Variants in AKAP10 observed in about 807,000 individuals in gnomAD.
AKAP10 encodes A-kinase anchoring protein 10, also known as A-kinase anchor protein 10, mitochondrial.
A neutral mutation model predicts 80.8 loss-of-function variants in AKAP10; 24 were observed. That is an observed-to-expected ratio of 0.30 (90% CI 0.22 to 0.42). The LOEUF is 0.42. AKAP10 is among the 10% of genes least tolerant of loss of function. The pLI is 1.00. For synonymous variants in AKAP10, 291 were observed against 277.7 expected (o/e 1.05, Z -0.48); for missense variants, 661 against 794.9 (o/e 0.83, Z 2.03).
intron 10 of AKAP10, 129 bp downstream of exon 10, chr17:19,931,676 C>A (rs1254312692): frequency 1.0e-5 from 11 of 1,090,650 alleles, no homozygotes; most frequent in Non-Finnish European, 1.3e-5. Flanking sequence ...CAGGCACAGG[C>A]CACTGTGCCT....
intron 12 of AKAP10, among the ~76,000 whole-genome samples, chr17:19,919,729 G>A (rs562810563): frequency 2.4e-4 from 37 of 151,686 alleles, no homozygotes; most frequent in African/African-American, 7.5e-4. Flanking sequence ...TAAAATAAAC[G>A]GTCTCAAACA....
chr17:19,954,177 A>G (rs2043246302), intron 4 of AKAP10, among the ~76,000 whole-genome samples: 1 of 152,234 alleles, frequency 6.6e-6, no homozygotes, highest in Non-Finnish European at 1.5e-5. Flanking sequence ...AATTCGTTTT[A>G]TAAGGCCAGC....
At chr17:19,973,636 A>C (rs940355759) in intron 1 of AKAP10, among the ~76,000 whole-genome samples, 4 of 152,214 alleles carry the variant, frequency 2.6e-5, no homozygotes, top group Admixed American at 2.0e-4. Context: ...CCTATGGCAA[A>C]ATAATGCTGC....
At chr17:19,927,968 C>T (rs2042892455) in intron 10 of AKAP10, among the ~76,000 whole-genome samples, 1 of 151,862 alleles carries the variant, frequency 6.6e-6, no homozygotes, top group Non-Finnish European at 1.5e-5. Context: ...GCCTGTAATC[C>T]CAGCACTTTG....
intron 12 of AKAP10, among the ~76,000 whole-genome samples, chr17:19,916,342 G>C (rs2042741916): frequency 6.6e-6 from 1 of 152,104 alleles, no homozygotes; most frequent in African/African-American, 2.4e-5. Context: ...CAGGAACTTT[G>C]TTTTCTTCCC....
intron 12 of AKAP10, among the ~76,000 whole-genome samples, chr17:19,917,239 T>G (rs1345951866): frequency 6.6e-6 from 1 of 151,446 alleles, no homozygotes; most frequent in African/African-American, 2.4e-5. Context: ...CACTCCAGCC[T>G]GGCCGACAGA....
intron 4 of AKAP10, among the ~76,000 whole-genome samples, chr17:19,950,327 CG>C (rs2043185399): frequency 6.6e-6 from 1 of 152,236 alleles, no homozygotes; most frequent in Admixed American, 6.5e-5. Context: ...TCCCTCTCCC[CG>C]GTCTCCCTCT....
chr17:19,931,681 G>GT, intron 10 of AKAP10, 124 bp downstream of exon 10: 1 of 1,200,642 alleles, frequency 8.3e-7, no homozygotes, highest in South Asian at 1.7e-5. Context: ...ACAGGCCACT[G>GT]TGCCTGGCTT....
intron 9 of AKAP10, 151 bp downstream of exon 9, chr17:19,936,135 C>T (rs2042989751): frequency 2.5e-6 from 2 of 802,938 alleles, no homozygotes; most frequent in South Asian, 4.2e-5. Context: ...ACTGTACATA[C>T]CAGGCCAGAC....
chr17:19,921,337 T>C (rs1383309266), intron 11 of AKAP10, among the ~76,000 whole-genome samples: 1 of 151,952 alleles, frequency 6.6e-6, no homozygotes, highest in Non-Finnish European at 1.5e-5. Context: ...AGCTAATTTT[T>C]GTATTTTTAG....
intron 12 of AKAP10, among the ~76,000 whole-genome samples, chr17:19,916,560 T>C (rs963863242): frequency 2.0e-5 from 3 of 152,042 alleles, no homozygotes; most frequent in Non-Finnish European, 4.4e-5. Context: ...ACCTATGCTA[T>C]GTTAACACTA....
chr17:19,960,815 C>G (rs947623041), intron 3 of AKAP10, among the ~76,000 whole-genome samples: 2 of 151,906 alleles, frequency 1.3e-5, no homozygotes, highest in Non-Finnish European at 2.9e-5. Flanking sequence ...CACCTGAGGT[C>G]AGGAGTTCAA....
rs2042616820 is a variant in AKAP10, at chr17:19,904,934, A to C, written c.*1293T>G. On this transcript the variant is annotated 3_prime_UTR_variant, in exon 15 of 15. Transcript: ENST00000225737. ...TCGATGAAACAGTGTGCCTCTATAC[A>C]ATCAAATATTGCAATGGAATAAATT... is the stretch of plus-strand genomic sequence containing the variant. The C allele has an allele frequency of 6.6e-6, 1 of 151,728 alleles. No individual in the cohort carries two copies. Among genetic ancestry groups the C allele is most frequent in the Non-Finnish European group, 1.5e-5 (1 of 67,984 alleles). The allele number at this position is 151,728 out of a possible 1,614,324, so 9.4% of individuals were successfully genotyped here.
intron 1 of AKAP10, among the ~76,000 whole-genome samples, chr17:19,973,767 GTTAA>G (rs1023173574): frequency 6.6e-6 from 1 of 152,198 alleles, no homozygotes; most frequent in African/African-American, 2.4e-5. Context: ...AGACCAGGGT[GTTAA>G]TTGTCACAGA....
At chr17:19,959,241 T>TA (rs2043320560) in intron 3 of AKAP10, among the ~76,000 whole-genome samples, 2 of 152,256 alleles carry the variant, frequency 1.3e-5, no homozygotes, top group African/African-American at 4.8e-5. Flanking sequence ...TCAACCTCAT[T>TA]AAAAATCCCA....
intron 1 of AKAP10, among the ~76,000 whole-genome samples, chr17:19,973,218 GA>G (rs1272407450): frequency 6.6e-6 from 1 of 152,162 alleles, no homozygotes; most frequent in East Asian, 1.9e-4. Context: ...GACCCCAAGT[GA>G]TCCATCTGCC....
chr17:19,959,826 C>G (rs1016980928), intron 3 of AKAP10, among the ~76,000 whole-genome samples: 1 of 152,126 alleles, frequency 6.6e-6, no homozygotes, highest in African/African-American at 2.4e-5. Context: ...GTCTTACTGT[C>G]AGTGTCAACT....
At chr17:19,908,891 G>A (rs1300226793) in intron 14 of AKAP10, among the ~76,000 whole-genome samples, 2 of 152,214 alleles carry the variant, frequency 1.3e-5, no homozygotes, top group African/African-American at 4.8e-5. Context: ...AAAGTGCTGG[G>A]ATTACAGGCG....
intron 2 of AKAP10, among the ~76,000 whole-genome samples, chr17:19,964,460 C>T (rs952409121): frequency 1.3e-5 from 2 of 152,164 alleles, no homozygotes; most frequent in African/African-American, 2.4e-5. Context: ...TTCTTTGGCT[C>T]CCCTTCTTGA....
Sources: gnomAD v4.1 joint callset for allele counts (sites outside exome capture counted in the v4.1 genomes callset) on GRCh38, gnomAD v4.1.1 for gene constraint, MANE v1.5 for transcripts, NCBI Gene and HGNC (gene_info 2026-07-23, HGNC 2026-07-21) for gene names.